Variants in HTRA1 observed in about 807,000 individuals in gnomAD.
The protein encoded by HTRA1 is HtrA serine peptidase 1.
Under a neutral mutation model 49.7 loss-of-function variants are expected in HTRA1, and 26 were observed. That is an observed-to-expected ratio of 0.52 (90% CI 0.38 to 0.73). HTRA1 has a LOEUF of 0.73. Among genes scored for constraint, HTRA1 ranks in the 30% least tolerant of loss-of-function variants. The pLI is 0.00. For synonymous variants in HTRA1, 291 were observed against 286.9 expected (o/e 1.01, Z -0.14); for missense variants, 561 against 667.2 (o/e 0.84, Z 1.75).
intron 3 of HTRA1, among the ~76,000 whole-genome samples, chr10:122,501,227 C>A (rs1430509752): frequency 6.6e-6 from 1 of 152,170 alleles, no homozygotes; most frequent in Non-Finnish European, 1.5e-5. Context: ...AGATGCCGGA[C>A]ACGCGCCGTG....
chr10:122,478,015 G>A (rs2097489410), intron 1 of HTRA1, among the ~76,000 whole-genome samples: 1 of 152,200 alleles, frequency 6.6e-6, no homozygotes, highest in Non-Finnish European at 1.5e-5. Context: ...CCATCCTGGT[G>A]AGCAGACACT....
chr10:122,468,948 C>T (rs1480276610), intron 1 of HTRA1, among the ~76,000 whole-genome samples: 1 of 152,146 alleles, frequency 6.6e-6, no homozygotes, highest in Non-Finnish European at 1.5e-5. Context: ...ATTTTAGATT[C>T]CAGGACAAAT....
In HTRA1 at chr10:122,489,585, G is replaced by A; in HGVS notation, c.736G>A (p.Asp246Asn). The A allele has an allele frequency of 6.2e-7, 1 of 1,614,088 alleles. No homozygotes were observed. The highest frequency in any genetic ancestry group is 1.1e-5 in the South Asian group (1 of 91,072). ...TTACGAAGCCAAAATCAAGGATGTG[G>A]ATGAGAAAGCAGACATCGCACTCAT... The part of the protein sequence containing the change: ...ATYEAKIKDV[D>N]EKADIALIKI... The change falls in exon 3 of 9, where the codon GAT becomes AAT. Residue 246 changes from aspartate to asparagine, a missense_variant. By Grantham distance (23) the Asp-to-Asn change is conservative. This residue lies in a region of HTRA1 where 271 missense variants were observed against 410.0 expected (regional missense o/e 0.66). Coordinates refer to ENST00000368984, the MANE Select transcript of HTRA1 (RefSeq NM_002775.5).
chr10:122,463,319 A>T (rs1461262280), intron 1 of HTRA1, among the ~76,000 whole-genome samples: 4 of 152,242 alleles, frequency 2.6e-5, no homozygotes, highest in Non-Finnish European at 5.9e-5. Flanking sequence ...CCAACACAGG[A>T]GCACAGCCCT....
intron 3 of HTRA1, among the ~76,000 whole-genome samples, chr10:122,495,818 A>G (rs796084752): frequency 3.8e-4 from 58 of 152,238 alleles, no homozygotes; most frequent in African/African-American, 1.3e-3. Context: ...CTTCCATTTG[A>G]CAGTTTATCA....
At chr10:122,496,269 A>G in intron 3 of HTRA1, among the ~76,000 whole-genome samples, 1 of 56,114 alleles carries the variant, frequency 1.8e-5, no homozygotes, top group Non-Finnish European at 3.3e-5. Context: ...TGCAGAGATG[A>G]AGCTTTGATC....
At chr10:122,500,266 G>A (rs548828073) in intron 3 of HTRA1, among the ~76,000 whole-genome samples, 29 of 152,288 alleles carry the variant, frequency 1.9e-4, no homozygotes, top group East Asian at 9.6e-4. Context: ...ATAAGTTTGC[G>A]GGGATCATCT....
At chr10:122,475,173 T>G (rs1347050248) in intron 1 of HTRA1, among the ~76,000 whole-genome samples, 2 of 152,180 alleles carry the variant, frequency 1.3e-5, no homozygotes, top group Non-Finnish European at 2.9e-5. Flanking sequence ...GCCACAGACT[T>G]TTCCAGGCAC....
At position 122,471,364 on chromosome 10, in the gene HTRA1, A is replaced by G. The variant is rs116921205; in HGVS notation, c.472+9240A>G. Among the ~76,000 whole-genome samples the G allele has an allele frequency of 3.7e-4, 56 of 152,280 alleles. No individual in the cohort carries two copies. The East Asian group carries it at 0.01, about 28-fold the overall frequency. ...ATCGTTCTGTCTGTGGGATTCTGTG[A>G]CACTTGTCATTTACAGTCTGTTCCC... On this transcript the variant is annotated intron_variant, in intron 1 of 8. Transcript: ENST00000368984.
rs1020498581 is a variant in HTRA1 at position 122,479,781 on chromosome 10, C to T, written c.473-9121C>T. On this transcript the variant is annotated intron_variant, in intron 1 of 8. Transcript: ENST00000368984. ...ATGGTGAATGAGAGGGGATCGTGGG[C>T]CCGAGGAGATGGCGATGGCTGCGGG... Among the ~76,000 whole-genome samples, 5 of 120,110 alleles carry T rather than the reference C, an allele frequency of 4.2e-5. No homozygotes were observed. In the South Asian group the frequency reaches 8.3e-4, roughly 20 times the overall value. The allele number at this position is 120,110 out of a possible 152,430, so 78.8% of individuals were successfully genotyped here.
chr10:122,477,161 G>A (rs2097488911), intron 1 of HTRA1, among the ~76,000 whole-genome samples: 1 of 151,942 alleles, frequency 6.6e-6, no homozygotes, highest in Non-Finnish European at 1.5e-5. Context: ...TAGAGACTGG[G>A]TTTCACTGTG....
At chr10:122,482,605 G>T (rs2097491462) in intron 1 of HTRA1, among the ~76,000 whole-genome samples, 1 of 152,074 alleles carries the variant, frequency 6.6e-6, no homozygotes. Context: ...GATGAAAGAA[G>T]CATACATTTT....
At chr10:122,471,912 C>T (rs944921639) in intron 1 of HTRA1, among the ~76,000 whole-genome samples, 1 of 152,172 alleles carries the variant, frequency 6.6e-6, no homozygotes, top group Admixed American at 6.5e-5. Context: ...TGCAGAAAAC[C>T]CTTCTCCCTA....
In HTRA1 at chr10:122,512,010, G is replaced by T; in HGVS notation, c.1219G>T (p.Asp407Tyr). ...GAAGGACCGGCACCGGGACTTCCCAGACGTGATCTCAGGAGCGTATATAAT... is the reference window on the plus strand; with the variant it reads ...GAAGGACCGGCACCGGGACTTCCCATACGTGATCTCAGGAGCGTATATAAT... ...ELKDRHRDFP[D>Y]VISGAYIIEV... The change falls in exon 8 of 9, where the codon GAC becomes TAC. Residue 407 changes from aspartate to tyrosine, a missense_variant. Physicochemically the swap from Asp to Tyr is radical, Grantham distance 160. Around this residue, in one of 3 missense-constraint regions of HTRA1, gnomAD observed 179 missense variants for 173.4 expected, o/e 1.03. Coordinates refer to ENST00000368984, the MANE Select transcript of HTRA1 (RefSeq NM_002775.5). 6.2e-7 allele frequency: 1 copy of T among 1,614,018 alleles called. No individual in the cohort carries two copies. The highest frequency in any genetic ancestry group is 8.5e-7 in the Non-Finnish European group (1 of 1,179,964).
chr10:122,494,420 G>C lies in HTRA1; in HGVS notation c.777+4794G>C. 6.6e-6 allele frequency among the ~76,000 whole-genome samples: 1 copy of C among 152,208 alleles called. No individual in the cohort carries two copies. On this transcript the variant is annotated intron_variant, in intron 3 of 8. Transcript: ENST00000368984. This position sits in a 1 kb window ranked among gnomAD's most constrained non-coding sequence, Gnocchi z 4.0. ...GAGGAAATGACCCTGCAGAAGGCTG[G>C]CTGCAGATGCCCCTGCCTCCCGGCT...
rs1428387269 is a variant in HTRA1 at position 122,498,140 on chromosome 10, CTCTT to C, written c.777+8518_777+8521del. On this transcript the variant is annotated intron_variant, in intron 3 of 8. Coordinates refer to ENST00000368984, the MANE Select transcript of HTRA1 (RefSeq NM_002775.5). ...TTCATTTTTTTCATTTGTGTGCTCT[CTCTT>C]TCTCTGTTTTTGCACACTGTCCTCT... 9.2e-5 allele frequency among the ~76,000 whole-genome samples: 14 copies of C among 152,282 alleles called. No homozygotes were observed. The South Asian group carries it at 2.7e-3, about 29-fold the overall frequency.
intron 1 of HTRA1, among the ~76,000 whole-genome samples, chr10:122,466,930 C>T (rs187373833): frequency 3.3e-5 from 5 of 151,264 alleles, no homozygotes; most frequent in Admixed American, 1.3e-4. Flanking sequence ...ATTAAGGCTT[C>T]ATAAAATTAG....
chr10:122,487,611 T>A lies in HTRA1; in HGVS notation c.473-1291T>A, dbSNP rs1200053076. On this transcript the variant is annotated intron_variant, in intron 1 of 8. Transcript: ENST00000368984. This position sits in a 1 kb window ranked among gnomAD's most constrained non-coding sequence, Gnocchi z 4.8. ...TCACTGTAATATAAACGGTCATGCA[T>A]CACTGAGCAACAGGGATACGTTCTG... Among the ~76,000 whole-genome samples, 3 of 152,180 alleles carry A rather than the reference T, an allele frequency of 2.0e-5. No individual in the cohort carries two copies. Among genetic ancestry groups the A allele is most frequent in the South Asian group, 2.1e-4 (1 of 4,822 alleles).
intron 1 of HTRA1, among the ~76,000 whole-genome samples, chr10:122,482,917 CAAAA>C (rs59042439): frequency 0.015 from 1,094 of 74,994 alleles, 15 homozygotes; most frequent in African/African-American, 0.048. Flanking sequence ...GACTCTGTCT[CAAAA>C]AAAAAAAAAA....
Sources: allele counts gnomAD v4.1 joint callset (sites outside exome capture counted in the v4.1 genomes callset), GRCh38; gene constraint gnomAD v4.1.1; regional missense constraint gnomAD v4.1.1; non-coding constraint Gnocchi (gnomAD v3.1); transcripts MANE v1.5; gene names NCBI Gene and HGNC (gene_info 2026-07-23, HGNC 2026-07-21).